SETBP1: variants seen among roughly 807,000 people sequenced by gnomAD.
The protein encoded by SETBP1 is SET binding protein 1.
Under a neutral mutation model 101.0 loss-of-function variants are expected in SETBP1, and 9 were observed. That is an observed-to-expected ratio of 0.09 (90% CI 0.05 to 0.16). SETBP1 has a LOEUF of 0.16. SETBP1 is among the 10% of genes least tolerant of loss of function. The pLI, the probability that SETBP1 is intolerant of heterozygous loss-of-function variation, is 1.00. For missense variants in SETBP1, 1,858 were observed against 2,033.8 expected, an observed-to-expected ratio of 0.91 and a Z score of 1.66; for synonymous variants, 818 against 788.5, an observed-to-expected ratio of 1.04 and a Z score of -0.63.
intron 2 of SETBP1, among the ~76,000 whole-genome samples, chr18:44,810,032 G>T (rs557518048): frequency 6.6e-6 from 1 of 152,266 alleles, no homozygotes; most frequent in African/African-American, 2.4e-5. Context: ...ATTTTTACAG[G>T]TCCTTGTGGA....
At chr18:44,710,323 C>T (rs751262449) in intron 2 of SETBP1, among the ~76,000 whole-genome samples, 4 of 152,028 alleles carry the variant, frequency 2.6e-5, no homozygotes, top group Non-Finnish European at 5.9e-5. Flanking sequence ...TACTGGGAAC[C>T]GCTAAGGATA....
rs967006489 is a variant in SETBP1 at position 45,066,839 on chromosome 18, G to C, written c.*3141G>C. The C allele has an allele frequency of 1.3e-5, 2 of 152,096 alleles. No individual in the cohort carries two copies. The highest frequency in any genetic ancestry group is 2.9e-5 in the Non-Finnish European group (2 of 68,022). The allele number at this position is 152,096 out of a possible 1,614,324, so 9.4% of individuals were successfully genotyped here. A position where few individuals can be genotyped will look rare whatever the true frequency, so the allele number is the denominator to read the frequency against. Reference sequence around the variant, plus strand: ...ATGCAGACCCACTTGTAAGGAGTCTGGTTAGTGATGAGAAAAGGATGAAAT... The same window carrying C: ...ATGCAGACCCACTTGTAAGGAGTCTCGTTAGTGATGAGAAAAGGATGAAAT... On this transcript the variant is annotated 3_prime_UTR_variant, in exon 6 of 6. Coordinates refer to ENST00000649279, the MANE Select transcript of SETBP1 (RefSeq NM_015559.3).
In SETBP1 at chr18:44,764,324, T is replaced by C. The variant is rs1169612419; in HGVS notation, c.486+62492T>C. 3.3e-5 allele frequency among the ~76,000 whole-genome samples: 5 copies of C among 152,390 alleles called. No individual in the cohort carries two copies. The East Asian group carries it at 9.6e-4, about 29-fold the overall frequency. ...TACTTGCCCCTGATTCCTCTGCTTATGTATCCATTCGTTATCCATGATGTT... is the reference window on the plus strand; with the variant it reads ...TACTTGCCCCTGATTCCTCTGCTTACGTATCCATTCGTTATCCATGATGTT... On this transcript the variant is annotated intron_variant, in intron 2 of 5. Coordinates refer to ENST00000649279, the MANE Select transcript of SETBP1 (RefSeq NM_015559.3).
chr18:44,736,298 G>A (rs2069965490), intron 2 of SETBP1, among the ~76,000 whole-genome samples: 1 of 152,180 alleles, frequency 6.6e-6, no homozygotes, highest in Non-Finnish European at 1.5e-5. Context: ...AGGATCATTT[G>A]AGCCTGGGAG....
chr18:44,765,808 C>T (rs1223897167), intron 2 of SETBP1, among the ~76,000 whole-genome samples: 1 of 152,216 alleles, frequency 6.6e-6, no homozygotes, highest in East Asian at 1.9e-4. Flanking sequence ...AACAAACAAG[C>T]ACCCATGAAG....
At chr18:44,816,388 CAG>C (rs2071976954) in intron 2 of SETBP1, among the ~76,000 whole-genome samples, 1 of 152,034 alleles carries the variant, frequency 6.6e-6, no homozygotes, top group Non-Finnish European at 1.5e-5. Flanking sequence ...ACTGGGAAGA[CAG>C]AGAGGGGTCA....
intron 1 of SETBP1, among the ~76,000 whole-genome samples, chr18:44,696,278 A>G (rs2069016686): frequency 6.6e-6 from 1 of 152,172 alleles, no homozygotes; most frequent in South Asian, 2.1e-4. Flanking sequence ...TGTACTCAAT[A>G]ATAATACCTA....
intron 2 of SETBP1, among the ~76,000 whole-genome samples, chr18:44,726,968 G>T (rs368854280): frequency 6.6e-6 from 1 of 152,246 alleles, no homozygotes; most frequent in East Asian, 1.9e-4. Flanking sequence ...GAGGATCCTG[G>T]AAAGTTTAAA....
At chr18:44,935,731 A>G (rs2070942490) in intron 3 of SETBP1, among the ~76,000 whole-genome samples, 1 of 152,186 alleles carries the variant, frequency 6.6e-6, no homozygotes, top group African/African-American at 2.4e-5. Context: ...GCCACTGGTG[A>G]TTCTTAACCA....
At position 44,951,303 on chromosome 18, in the gene SETBP1, C is replaced by T. The variant is rs764969329; in HGVS notation, c.1963C>T (p.Leu655Phe). Residue 655 changes from leucine to phenylalanine, a missense_variant, in exon 4 of 6, where the codon CTC becomes TTC. Physicochemically the swap from Leu to Phe is conservative, Grantham distance 22. Transcript: ENST00000649279. This position sits in a 1 kb window ranked among gnomAD's most constrained non-coding sequence, Gnocchi z 7.8. Reference protein sequence around the residue: ...EMKFHKKVGKLGVLDKKTIKT... With the variant: ...EMKFHKKVGKFGVLDKKTIKT... ...GAAATTTCACAAGAAAGTTGGAAAG[C>T]TCGGCGTGTTGGATAAGAAGACCAT... 10 of 1,613,458 alleles carry T rather than the reference C, an allele frequency of 6.2e-6. No homozygotes were observed. The highest frequency in any genetic ancestry group is 8.5e-6 in the Non-Finnish European group (10 of 1,180,038).
At chr18:44,934,145 C>CTT (rs112443508) in intron 3 of SETBP1, among the ~76,000 whole-genome samples, 18 of 143,512 alleles carry the variant, frequency 1.3e-4, no homozygotes, top group East Asian at 1.2e-3. Flanking sequence ...GTTGTTTTCC[C>CTT]TTTTTTTTTT....
intron 1 of SETBP1, among the ~76,000 whole-genome samples, chr18:44,686,173 T>C (rs2068836949): frequency 6.6e-6 from 1 of 152,238 alleles, no homozygotes; most frequent in Non-Finnish European, 1.5e-5. Flanking sequence ...TCAGGAAAGT[T>C]CTTCACAGCT....
At chr18:44,931,550 C>T (rs940281990) in intron 3 of SETBP1, among the ~76,000 whole-genome samples, 26 of 152,096 alleles carry the variant, frequency 1.7e-4, no homozygotes, top group Non-Finnish European at 3.5e-4. Flanking sequence ...GTTAAAGTCT[C>T]CTATTTTTAT....
chr18:44,689,965 G>A (rs1466899751), intron 1 of SETBP1, among the ~76,000 whole-genome samples: 1 of 152,194 alleles, frequency 6.6e-6, no homozygotes, highest in Non-Finnish European at 1.5e-5. Flanking sequence ...GGGTGTGCCT[G>A]TCAGAGACTT....
intron 5 of SETBP1, among the ~76,000 whole-genome samples, chr18:45,045,097 C>T (rs916166880): frequency 6.6e-6 from 1 of 150,726 alleles, no homozygotes. Context: ...GCCTGGCCAA[C>T]GTGGTGAAAC....
At chr18:44,867,899 TTC>T (rs2069164949) in intron 2 of SETBP1, among the ~76,000 whole-genome samples, 1 of 152,210 alleles carries the variant, frequency 6.6e-6, no homozygotes, top group South Asian at 2.1e-4. Flanking sequence ...GCATGATTTC[TTC>T]TCTTTCTTGA....
intron 2 of SETBP1, among the ~76,000 whole-genome samples, chr18:44,831,379 C>T (rs2072364550): frequency 6.6e-6 from 1 of 152,202 alleles, no homozygotes; most frequent in African/African-American, 2.4e-5. Flanking sequence ...TCCATCTCTT[C>T]CATGAGGTTT....
At chr18:44,785,092 A>G (rs952729544) in intron 2 of SETBP1, among the ~76,000 whole-genome samples, 6 of 152,190 alleles carry the variant, frequency 3.9e-5, no homozygotes, top group African/African-American at 1.4e-4. Context: ...AAGGAAGCCA[A>G]TTTTAGGAGC....
chr18:44,741,036 C>T (rs2070086272), intron 2 of SETBP1, among the ~76,000 whole-genome samples: 1 of 152,208 alleles, frequency 6.6e-6, no homozygotes, highest in East Asian at 1.9e-4. Flanking sequence ...TTATAATTAA[C>T]TGGCCCAGAG....
Sources: allele counts gnomAD v4.1 joint callset (sites outside exome capture counted in the v4.1 genomes callset), GRCh38; gene constraint gnomAD v4.1.1; non-coding constraint Gnocchi (gnomAD v3.1); transcripts MANE v1.5; gene names NCBI Gene and HGNC (gene_info 2026-07-23, HGNC 2026-07-21).